Variants in NPRL3 observed in about 807,000 individuals in gnomAD.
The protein encoded by NPRL3 is GATOR1 complex protein NPRL3.
Under a neutral mutation model 57.2 loss-of-function variants are expected in NPRL3, and 23 were observed. The ratio of observed to expected loss-of-function variants is 0.40; its 90% CI spans 0.29 to 0.57. The LOEUF is 0.57. Ranked by LOEUF, NPRL3 falls within the 20% of genes least tolerant of loss-of-function variation. The probability of loss-of-function intolerance (pLI) is 0.42; values close to 1 mark genes in which losing one functional copy is unlikely to be tolerated. For synonymous variants in NPRL3, 333 were observed against 321.1 expected, an observed-to-expected ratio of 1.04 and a Z score of -0.39; for missense variants, 691 against 767.1, an observed-to-expected ratio of 0.90 and a Z score of 1.17.
chr16:100,623 G>C (rs1899241133), intron 7 of NPRL3, 114 bp from the exon 8 acceptor site: 2 of 1,068,994 alleles, frequency 1.9e-6, no homozygotes, highest in South Asian at 2.9e-5. Context: ...GGAAACTGCA[G>C]GTGGAGACCC....
At position 98,622 on chromosome 16, in the gene NPRL3, A is replaced by T. The variant is rs920093623; in HGVS notation, c.768-321T>A. ...AAGGGCCAAGAGCGGGATTTGAGAA[A>T]AGGGCAGTGGTCTGTTTGGAGGCCT... On this transcript the variant is annotated intron_variant, in intron 8 of 13. Transcript: ENST00000611875. Among the ~76,000 whole-genome samples, 10 of 152,216 alleles carry T rather than the reference A, an allele frequency of 6.6e-5. 1 individual carries two copies. The highest frequency in any genetic ancestry group is 1.3e-4 in the Admixed American group (2 of 15,286).
chr16:114,175 C>T (rs560572999), intron 5 of NPRL3, among the ~76,000 whole-genome samples: 1 of 152,264 alleles, frequency 6.6e-6, no homozygotes, highest in East Asian at 1.9e-4. Flanking sequence ...CAACAGTGTC[C>T]ATGAGTTGGA....
chr16:113,764 A>C (rs1185542207), intron 5 of NPRL3, among the ~76,000 whole-genome samples: 1 of 152,220 alleles, frequency 6.6e-6, no homozygotes, highest in Non-Finnish European at 1.5e-5. Flanking sequence ...AGGGAAGGCC[A>C]TGCCCAAAGT....
At chr16:93,402 G>T in intron 9 of NPRL3, 77 bp from the exon 10 acceptor site, 2 of 950,194 alleles carry the variant, frequency 2.1e-6, no homozygotes, top group South Asian at 1.4e-5. Flanking sequence ...CTCAGCCTGG[G>T]TGGCCATGGC....
At chr16:112,136 T>C (rs1000631919) in intron 6 of NPRL3, among the ~76,000 whole-genome samples, 7 of 152,334 alleles carry the variant, frequency 4.6e-5, no homozygotes, top group South Asian at 4.1e-4. Context: ...CAGGGAGTAA[T>C]AGTTTCTTCA....
At chr16:130,093 A>G (rs542611645) in intron 3 of NPRL3, among the ~76,000 whole-genome samples, 1 of 152,176 alleles carries the variant, frequency 6.6e-6, no homozygotes, top group African/African-American at 2.4e-5. Flanking sequence ...CCCACTGCCC[A>G]TATCACCACC....
At chr16:130,225 C>G (rs1417752112) in intron 3 of NPRL3, among the ~76,000 whole-genome samples, 1 of 152,170 alleles carries the variant, frequency 6.6e-6, no homozygotes, top group African/African-American at 2.4e-5. Context: ...GTCTGCTTTC[C>G]TCTATGTTTC....
Position 85,937 on chromosome 16 carries a change from T to C in NPRL3, c.*768A>G. The C allele has an allele frequency of 1.2e-6, 1 of 836,174 alleles. No homozygotes were observed. The highest frequency in any genetic ancestry group is 3.1e-5 in the East Asian group (1 of 31,912). The allele number at this position is 836,174 out of a possible 1,614,324, so 51.8% of individuals were successfully genotyped here. On this transcript the variant is annotated 3_prime_UTR_variant, in exon 14 of 14. Transcript: ENST00000611875. ...CACGAGAGCTGGGGGCCTGAGTACGTAGCGCCAGGCCCGGTGTGGATGCTG... is the reference window on the plus strand; with the variant it reads ...CACGAGAGCTGGGGGCCTGAGTACGCAGCGCCAGGCCCGGTGTGGATGCTG...
intron 2 of NPRL3, among the ~76,000 whole-genome samples, chr16:134,953 G>A (rs924571621): frequency 2.6e-5 from 4 of 151,804 alleles, no homozygotes; most frequent in East Asian, 1.9e-4. Flanking sequence ...CGCCCGCCTC[G>A]GCCTCCCAAA....
At chr16:131,958 A>ACAT (rs1181445416) in intron 2 of NPRL3, among the ~76,000 whole-genome samples, 1 of 151,998 alleles carries the variant, frequency 6.6e-6, no homozygotes, top group Admixed American at 6.6e-5. Context: ...AATGTTTACA[A>ACAT]CATCTTTACC....
chr16:123,448 C>G (rs1343406230), intron 3 of NPRL3: 6 of 469,882 alleles, frequency 1.3e-5, no homozygotes, highest in Non-Finnish European at 1.8e-5. Flanking sequence ...AGCACAATTA[C>G]AAGAAGAGAA....
intron 2 of NPRL3, among the ~76,000 whole-genome samples, chr16:131,409 G>C (rs1225696084): frequency 1.4e-5 from 2 of 141,314 alleles, no homozygotes; most frequent in East Asian, 2.0e-4. Flanking sequence ...AACCCGGGAA[G>C]CAGAGCTTGC....
chr16:102,299 G>C (rs1286701841), intron 7 of NPRL3, among the ~76,000 whole-genome samples: 2 of 152,198 alleles, frequency 1.3e-5, no homozygotes, highest in African/African-American at 4.8e-5. Context: ...ATGACACAGA[G>C]GAGATGCAAC....
At position 85,870 on chromosome 16, in the gene NPRL3, T is replaced by G; in HGVS notation, c.*835A>C. ...AACTGTGCCTTAGCCAGAGCTCCTC[T>G]AGGTGATCAACCCATGTCTGGAGCT... On this transcript the variant is annotated 3_prime_UTR_variant, in exon 14 of 14. Transcript: ENST00000611875. The G allele has an allele frequency of 7.5e-7, 1 of 1,331,914 alleles. No homozygotes were observed. Among genetic ancestry groups the G allele is most frequent in the Non-Finnish European group, 9.7e-7 (1 of 1,031,480 alleles). 82.5% of individuals were successfully genotyped at this position (1,331,914 alleles called of 1,614,324 possible).
intron 5 of NPRL3, among the ~76,000 whole-genome samples, chr16:113,169 T>C (rs2141951039): frequency 6.6e-6 from 1 of 152,322 alleles, no homozygotes; most frequent in East Asian, 1.9e-4. Context: ...GAACCTGCCC[T>C]GAGCAAAGAC....
chr16:132,999 T>C (rs902660817), intron 2 of NPRL3, among the ~76,000 whole-genome samples: 1 of 152,148 alleles, frequency 6.6e-6, no homozygotes, highest in Non-Finnish European at 1.5e-5. Context: ...TAGAGATGGT[T>C]TCTTTCCTTA....
intron 5 of NPRL3, among the ~76,000 whole-genome samples, chr16:115,274 C>A (rs1038748330): frequency 4.0e-5 from 6 of 151,510 alleles, no homozygotes; most frequent in Non-Finnish European, 8.8e-5. Context: ...TGTGCCTGGA[C>A]AAAAGTGTAT....
chr16:137,237 A>G (rs1901139014), intron 2 of NPRL3, among the ~76,000 whole-genome samples: 1 of 152,126 alleles, frequency 6.6e-6, no homozygotes, highest in Non-Finnish European at 1.5e-5. Flanking sequence ...AAATAAAATA[A>G]AAACAAAAAC....
intron 2 of NPRL3, among the ~76,000 whole-genome samples, chr16:137,422 C>T (rs909347069): frequency 6.6e-6 from 1 of 152,206 alleles, no homozygotes; most frequent in Non-Finnish European, 1.5e-5. Context: ...AAACCTCACG[C>T]GACGTTCCCT....
Sources: allele counts gnomAD v4.1 joint callset (sites outside exome capture counted in the v4.1 genomes callset), GRCh38; gene constraint gnomAD v4.1.1; transcripts MANE v1.5; gene names NCBI Gene and HGNC (gene_info 2026-07-23, HGNC 2026-07-21).